The following NEBL variants were observed in gnomAD, a reference collection of about 807,000 sequenced individuals.
NEBL encodes nebulette.
NEBL carries 122 observed loss-of-function variants against 140.2 expected under a neutral mutation model. That is an observed-to-expected ratio of 0.87 (90% confidence interval 0.75 to 1.01). The LOEUF (loss-of-function observed/expected upper bound fraction) is 1.01, where lower values mean the gene tolerates loss of function less well. Among genes scored for constraint, NEBL ranks in the 50% least tolerant of loss-of-function variants. The pLI is 0.00. For missense variants in NEBL, 1,365 were observed against 1,231.3 expected (o/e 1.11, Z -1.62); for synonymous variants, 436 against 398.9 (o/e 1.09, Z -1.11).
chr10:21,227,705 TTCTTCTTTCTTCTTCTTCTTCTTCTTC>T (rs1943300513), intron 3 of NEBL, among the ~76,000 whole-genome samples: 2 of 72,554 alleles, frequency 2.8e-5, no homozygotes, highest in African/African-American at 1.4e-4. Context: ...CTTCTTCTTC[TTCTTCTTTCTTCTTCTTCTTCTTCTTC>T]TTCTTCTTCT....
intron 4 of NEBL, among the ~76,000 whole-genome samples, chr10:20,932,422 G>A (rs1402869964): frequency 3.3e-5 from 5 of 152,132 alleles, no homozygotes; most frequent in Non-Finnish European, 5.9e-5. Flanking sequence ...CCTGGGGCTG[G>A]GGGGTGGGGG....
chr10:20,857,449 A>G (rs1347447878), intron 9 of NEBL, among the ~76,000 whole-genome samples: 1 of 152,214 alleles, frequency 6.6e-6, no homozygotes, highest in Non-Finnish European at 1.5e-5. Context: ...CAGATATTCA[A>G]TAAATTATGA....
chr10:21,249,312 C>A (rs112670040), intron 2 of NEBL, among the ~76,000 whole-genome samples: 6 of 152,184 alleles, frequency 3.9e-5, no homozygotes, highest in African/African-American at 1.4e-4. Context: ...TCCATTTGAC[C>A]CACAGAATGG....
chr10:21,062,102 A>G (rs1413888790), intron 2 of NEBL, among the ~76,000 whole-genome samples: 1 of 152,244 alleles, frequency 6.6e-6, no homozygotes, highest in Non-Finnish European at 1.5e-5. Context: ...TGTACACAGC[A>G]GCTGCATATC....
rs147517166 is a variant in NEBL, at chr10:20,869,713, C to T, written c.582+27G>A. On this transcript the variant is annotated intron_variant, in intron 6 of 27. Transcript: ENST00000377122. ...TCCTACAAAAGTAAGAAATCATTTC[C>T]GTTCAAGGTTTAGAAAGAGAAGTTA... 27 of 1,483,634 alleles carry T rather than the reference C, an allele frequency of 1.8e-5. No homozygotes were observed. The East Asian group carries it at 2.7e-4, about 15-fold the overall frequency. The allele number at this position is 1,483,634 out of a possible 1,614,324, so 91.9% of individuals were successfully genotyped here. A position where few individuals can be genotyped will look rare whatever the true frequency, so the allele number is the denominator to read the frequency against.
chr10:20,996,740 A>C (rs1837684092), intron 3 of NEBL, among the ~76,000 whole-genome samples: 1 of 152,210 alleles, frequency 6.6e-6, no homozygotes. Flanking sequence ...GACTGCCTAA[A>C]AACAGCCAGA....
intron 13 of NEBL, among the ~76,000 whole-genome samples, chr10:20,837,530 G>A (rs1376175451): frequency 6.6e-6 from 1 of 152,186 alleles, no homozygotes; most frequent in Non-Finnish European, 1.5e-5. Context: ...GAAAGTGCAA[G>A]GTGAAGCAGC....
In NEBL at chr10:21,053,675, G is replaced by C. The variant is rs1037691764; in HGVS notation, c.165-33474C>G. Among the ~76,000 whole-genome samples, 4 of 152,212 alleles carry C rather than the reference G, an allele frequency of 2.6e-5. No individual in the cohort carries two copies. In the East Asian group the frequency reaches 7.7e-4, roughly 29 times the overall value. ...CTTAGCATTTCATTTTTAAGGTATG[G>C]CCTGAAACTTGAGCTAAACCAACAT... On this transcript the variant is annotated intron_variant, in intron 2 of 6. Transcript: ENST00000417816.
intron 25 of NEBL, among the ~76,000 whole-genome samples, chr10:20,809,430 C>T (rs1301190815): frequency 6.6e-6 from 1 of 152,116 alleles, no homozygotes; most frequent in Non-Finnish European, 1.5e-5. Flanking sequence ...AACCTTTCTA[C>T]TGTTCTATAT....
chr10:21,276,742 G>A (rs1842929115), intron 1 of NEBL, among the ~76,000 whole-genome samples: 1 of 152,152 alleles, frequency 6.6e-6, no homozygotes, highest in African/African-American at 2.4e-5. Flanking sequence ...GCCAAAGCAG[G>A]CAGATCACTT....
rs184038726 is a variant in NEBL, at chr10:21,146,752, A to G, written c.164+25631T>C. Among the ~76,000 whole-genome samples, 493 of 152,344 alleles carry G rather than the reference A, an allele frequency of 3.2e-3. 2 individuals carry two copies. The highest frequency in any genetic ancestry group is 5.9e-3 in the Non-Finnish European group (398 of 68,026). On this transcript the variant is annotated intron_variant, in intron 2 of 6. Coordinates refer to the NEBL transcript ENST00000417816. ...TTTTTTTAACTACAAAAGTATTCAC[A>G]AAACTTGGGCTATGAGCAGGTCCCA...
intron 4 of NEBL, among the ~76,000 whole-genome samples, chr10:20,915,469 T>C (rs1349391638): frequency 6.8e-6 from 1 of 147,598 alleles, no homozygotes; most frequent in East Asian, 2.1e-4. Flanking sequence ...TGTGTTCTCA[T>C]TGTTCAATTC....
chr10:20,984,072 T>C (rs190246651), intron 3 of NEBL, among the ~76,000 whole-genome samples: 23 of 151,172 alleles, frequency 1.5e-4, no homozygotes, highest in Non-Finnish European at 3.1e-4. Flanking sequence ...AGGTACTTTT[T>C]AATAATGAAG....
intron 2 of NEBL, among the ~76,000 whole-genome samples, chr10:21,089,973 C>G (rs960362972): frequency 1.3e-5 from 2 of 152,072 alleles, no homozygotes; most frequent in Non-Finnish European, 2.9e-5. Context: ...TACAAATGGC[C>G]TCTATGTTGA....
At chr10:21,259,593 C>G (rs551800028) in intron 1 of NEBL, among the ~76,000 whole-genome samples, 17 of 152,306 alleles carry the variant, frequency 1.1e-4, no homozygotes, top group African/African-American at 4.1e-4. Flanking sequence ...ACCCGTATCC[C>G]TCTTGCTAAC....
At chr10:21,177,307 C>T (rs578068966), upstream of NEBL, among the ~76,000 whole-genome samples, 4 of 152,310 alleles carry the variant, frequency 2.6e-5, no homozygotes, top group South Asian at 2.1e-4. Flanking sequence ...AAGAATGAGA[C>T]GGGCTGAATC....
chr10:20,853,020 AT>A lies in NEBL; in HGVS notation c.904-372del, dbSNP rs1842704719. On this transcript the variant is annotated intron_variant, in intron 9 of 27. Coordinates refer to ENST00000377122, the MANE Select transcript of NEBL (RefSeq NM_006393.3). ...CTTGCTCTTATCTTATGACAGGAAT[AT>A]GTTTAATACTGTTCAAAAGAAGAGA... Among the ~76,000 whole-genome samples the A allele has an allele frequency of 5.3e-5, 8 of 152,254 alleles. No individual in the cohort carries two copies. In the South Asian group the frequency reaches 1.7e-3, roughly 31 times the overall value.
At chr10:21,131,066 A>T (rs891775505) in intron 2 of NEBL, among the ~76,000 whole-genome samples, 1 of 152,182 alleles carries the variant, frequency 6.6e-6, no homozygotes, top group Non-Finnish European at 1.5e-5. Flanking sequence ...CCATCATTAC[A>T]GATGCCATAG....
chr10:21,278,983 T>C (rs1005276831), intron 1 of NEBL, among the ~76,000 whole-genome samples: 1 of 152,160 alleles, frequency 6.6e-6, no homozygotes, highest in Non-Finnish European at 1.5e-5. Flanking sequence ...ATTAGATAGT[T>C]CATAGCCCCA....
Sources: allele counts gnomAD v4.1 joint callset (sites outside exome capture counted in the v4.1 genomes callset), GRCh38; gene constraint gnomAD v4.1.1; transcripts MANE v1.5; gene names NCBI Gene and HGNC (gene_info 2026-07-23, HGNC 2026-07-21).